CD300LD: variants seen among roughly 807,000 people sequenced by gnomAD.
CD300LD encodes CMRF35-like molecule 5.
CD300LD carries 18 observed loss-of-function variants against 20.3 expected under a neutral mutation model. That is an observed-to-expected ratio of 0.89 (90% CI 0.61 to 1.32). The LOEUF is 1.32. CD300LD is among the 40% of genes most tolerant of loss of function. CD300LD has a pLI of 0.00. For synonymous variants in CD300LD, 104 were observed against 90.1 expected, an observed-to-expected ratio of 1.15 and a Z score of -0.87; for missense variants, 195 against 226.6, an observed-to-expected ratio of 0.86 and a Z score of 0.90.
intron 2 of CD300LD, among the ~76,000 whole-genome samples, chr17:74,587,308 T>C (rs576411041): frequency 2.6e-5 from 4 of 152,358 alleles, no homozygotes; most frequent in Admixed American, 2.0e-4. Context: ...TGGTAGTTTG[T>C]GCCTTTCAAG....
At chr17:74,588,454 A>G (rs2030219929) in intron 2 of CD300LD, 57 bp downstream of exon 2, 13 of 1,168,192 alleles carry the variant, frequency 1.1e-5, no homozygotes, top group Non-Finnish European at 1.5e-5. Context: ...GTGGGACCTC[A>G]GGGACCAGGA....
chr17:74,580,588 C>T (rs1016580448), intron 3 of CD300LD, among the ~76,000 whole-genome samples: 7 of 152,150 alleles, frequency 4.6e-5, no homozygotes, highest in African/African-American at 1.7e-4. Flanking sequence ...AGCACCTGGC[C>T]CTGGGGTTCC....
At chr17:74,584,070 T>A (rs1161605497) in intron 2 of CD300LD, among the ~76,000 whole-genome samples, 1 of 152,122 alleles carries the variant, frequency 6.6e-6, no homozygotes, top group African/African-American at 2.4e-5. Flanking sequence ...TTCACATTTT[T>A]AAAAAAATCC....
At chr17:74,590,897 G>T (rs1054868909) in intron 1 of CD300LD, among the ~76,000 whole-genome samples, 2 of 152,052 alleles carry the variant, frequency 1.3e-5, no homozygotes, top group African/African-American at 4.8e-5. Context: ...TGGCAACATA[G>T]CGAGACTAAA....
chr17:74,587,766 G>T (rs1002584297), intron 2 of CD300LD, among the ~76,000 whole-genome samples: 7 of 152,120 alleles, frequency 4.6e-5, no homozygotes, highest in South Asian at 2.1e-4. Context: ...TACCAGGGAA[G>T]GGGGTCCCTT....
intron 3 of CD300LD, among the ~76,000 whole-genome samples, chr17:74,581,562 T>C (rs1225110575): frequency 6.6e-6 from 1 of 152,202 alleles, no homozygotes; most frequent in Non-Finnish European, 1.5e-5. Flanking sequence ...AACGCCAAAC[T>C]TCCAGCTTCC....
chr17:74,589,911 G>A (rs1294136282), intron 1 of CD300LD, among the ~76,000 whole-genome samples: 1 of 152,230 alleles, frequency 6.6e-6, no homozygotes, highest in Non-Finnish European at 1.5e-5. Context: ...AGACACCCAA[G>A]GTCGTGGGTA....
chr17:74,583,069 T>G (rs1411223078), intron 2 of CD300LD, among the ~76,000 whole-genome samples: 2 of 152,194 alleles, frequency 1.3e-5, no homozygotes, highest in African/African-American at 4.8e-5. Flanking sequence ...TAAACTCTGA[T>G]GTATGTGTAT....
Position 74,592,172 on chromosome 17 carries a change from T to C in CD300LD, c.31A>G (p.Ile11Val), listed in dbSNP as rs2030336699. Residue 11 changes from isoleucine to valine, a missense_variant, in exon 1 of 4, where the codon ATC becomes GTC. Ile to Val is a conservative substitution (Grantham distance 29, BLOSUM62 3). Transcript: ENST00000375352. Reference sequence around the variant, plus strand: ...CTCCAGCCACACTCACCTGGGAGGATGAGAAGCAGCAGAGATGGGGACAGC... The same window carrying C: ...CTCCAGCCACACTCACCTGGGAGGACGAGAAGCAGCAGAGATGGGGACAGC... MWLSPSLLLL[I>V]LPGYSIAAKI... 1.9e-6 allele frequency: 3 copies of C among 1,614,050 alleles called. No individual in the cohort carries two copies. Among genetic ancestry groups the C allele is most frequent in the African/African-American group, 1.3e-5 (1 of 74,932 alleles).
chr17:74,587,756 T>C (rs2030199385), intron 2 of CD300LD, among the ~76,000 whole-genome samples: 1 of 152,102 alleles, frequency 6.6e-6, no homozygotes, highest in South Asian at 2.1e-4. Flanking sequence ...GGTCTCTGGT[T>C]ACCAGGGAAG....
At chr17:74,591,880 G>T in intron 1 of CD300LD, 2 of 537,960 alleles carry the variant, frequency 3.7e-6, no homozygotes, top group Non-Finnish European at 5.8e-6. Flanking sequence ...TTCCTTCATT[G>T]ATATCTGTTC....
At chr17:74,588,246 G>A (rs1027654522) in intron 2 of CD300LD, among the ~76,000 whole-genome samples, 5 of 152,070 alleles carry the variant, frequency 3.3e-5, no homozygotes, top group East Asian at 1.9e-4. Flanking sequence ...TTTAATCCAC[G>A]AATGGATTAA....
chr17:74,591,863 T>G, intron 1 of CD300LD: 1 of 431,276 alleles, frequency 2.3e-6, no homozygotes, highest in Non-Finnish European at 3.8e-6. Flanking sequence ...ACTCACTCAT[T>G]AGTTCCTTCC....
chr17:74,591,492 C>G (rs2030316722), intron 1 of CD300LD, among the ~76,000 whole-genome samples: 1 of 151,842 alleles, frequency 6.6e-6, no homozygotes, highest in Non-Finnish European at 1.5e-5. Context: ...GATGCTTCCT[C>G]AAAAAGTTAA....
chr17:74,580,818 C>A (rs1411708477), intron 3 of CD300LD, among the ~76,000 whole-genome samples: 1 of 151,052 alleles, frequency 6.6e-6, no homozygotes, highest in Non-Finnish European at 1.5e-5. Context: ...GTAATCCCAG[C>A]ACTTTGGGAG....
chr17:74,579,926 T>A lies in CD300LD; in HGVS notation c.*76A>T. The A allele has an allele frequency of 3.6e-6, 3 of 826,204 alleles. No individual in the cohort carries two copies. The highest frequency in any genetic ancestry group is 6.0e-6 in the Non-Finnish European group (3 of 499,968). 51.2% of individuals were successfully genotyped at this position (826,204 alleles called of 1,614,324 possible). Reference sequence around the variant, plus strand: ...AGAGAAAAGAAAATGTTTTTTCTTCTGTGGGAGGGCCTTTCGCCCTGGACA... The same window carrying A: ...AGAGAAAAGAAAATGTTTTTTCTTCAGTGGGAGGGCCTTTCGCCCTGGACA... On this transcript the variant is annotated 3_prime_UTR_variant, in exon 4 of 4. Transcript: ENST00000375352.
At chr17:74,580,900 T>TAA (rs372413183) in intron 3 of CD300LD, among the ~76,000 whole-genome samples, 8 of 123,430 alleles carry the variant, frequency 6.5e-5, no homozygotes, top group South Asian at 2.5e-4. Flanking sequence ...GCCCCATCTC[T>TAA]AAAAAAAAAA....
rs2029994578 is a variant in CD300LD at position 74,579,886 on chromosome 17, A to C, written c.*116T>G. The C allele has an allele frequency of 4.9e-6, 3 of 606,440 alleles. No individual in the cohort carries two copies. In the South Asian group the frequency reaches 5.6e-5, roughly 11 times the overall value. The allele number at this position is 606,440 out of a possible 1,614,324, so 37.6% of individuals were successfully genotyped here. A position where few individuals can be genotyped will look rare whatever the true frequency, so the allele number is the denominator to read the frequency against. ...GGTGACAGAGCAAGACTCTATCTCT[A>C]GAAAGAAAAAAAGAAGAGAAAAGAA... On this transcript the variant is annotated 3_prime_UTR_variant, in exon 4 of 4. Coordinates refer to ENST00000375352, the MANE Select transcript of CD300LD (RefSeq NM_001115152.2).
At chr17:74,584,893 G>A (rs1311569805) in intron 2 of CD300LD, 1 of 152,496 alleles carries the variant, frequency 6.6e-6, no homozygotes, top group Admixed American at 6.5e-5. Context: ...CCTGGAACAA[G>A]TCTGCCGGCA....
Sources: allele counts gnomAD v4.1 joint callset (sites outside exome capture counted in the v4.1 genomes callset), GRCh38; gene constraint gnomAD v4.1.1; transcripts MANE v1.5; gene names NCBI Gene and HGNC (gene_info 2026-07-23, HGNC 2026-07-21).